NTN4: variants seen among roughly 807,000 people sequenced by gnomAD.
NTN4 encodes the protein netrin 4, also known as netrin-4.
Under a neutral mutation model 73.6 loss-of-function variants are expected in NTN4, and 32 were observed. The observed-to-expected ratio is 0.44, with a 90% confidence interval of 0.33 to 0.58. The LOEUF (loss-of-function observed/expected upper bound fraction) is 0.58, where lower values mean the gene tolerates loss of function less well. NTN4 is among the 20% of genes least tolerant of loss of function. The pLI, the probability that NTN4 is intolerant of heterozygous loss-of-function variation, is 0.04. For missense variants in NTN4, 654 were observed against 798.3 expected, an observed-to-expected ratio of 0.82 and a Z score of 2.18; for synonymous variants, 258 against 287.5, an observed-to-expected ratio of 0.90 and a Z score of 1.04.
chr12:95,712,538 T>G (rs975489004), intron 4 of NTN4, among the ~76,000 whole-genome samples: 5 of 152,202 alleles, frequency 3.3e-5, no homozygotes, highest in Non-Finnish European at 7.4e-5. Context: ...TATTTTCATG[T>G]TTATAATTCA....
At chr12:95,750,784 G>A (rs1291716932) in intron 2 of NTN4, among the ~76,000 whole-genome samples, 2 of 152,038 alleles carry the variant, frequency 1.3e-5, no homozygotes, top group African/African-American at 2.4e-5. Context: ...TCGCCAGGCC[G>A]AGCTAGGTCC....
chr12:95,665,979 C>T lies in NTN4; in HGVS notation c.1581G>A (p.Val527=). ...KAFCGMKYSY[V]LKIKILSAHD... ...GAGCTGATAAAATCTTTATTTTTAG[C>T]ACTGTTAACACAGAAGTCAAAATGC... Residue 527 remains valine (V), a splice_region_variant and synonymous_variant, in exon 9 of 10, where the codon GTG becomes GTA. Transcript: ENST00000343702. The T allele has an allele frequency of 6.3e-7, 1 of 1,597,786 alleles. No homozygotes were observed. The highest frequency in any genetic ancestry group is 8.5e-7 in the Non-Finnish European group (1 of 1,171,470).
intron 3 of NTN4, among the ~76,000 whole-genome samples, chr12:95,720,357 C>T (rs190913451): frequency 1.3e-5 from 2 of 152,152 alleles, no homozygotes; most frequent in East Asian, 1.9e-4. Context: ...CCTGAAAAAA[C>T]CATGAATGGA....
chr12:95,662,965 A>C (rs965690819), intron 9 of NTN4, among the ~76,000 whole-genome samples: 2 of 152,036 alleles, frequency 1.3e-5, no homozygotes, highest in Non-Finnish European at 2.9e-5. Context: ...AACACAAACA[A>C]ACAAAAATTA....
chr12:95,665,752 C>A (rs2078174355), intron 9 of NTN4, 58 bp downstream of exon 9: 2 of 1,387,092 alleles, frequency 1.4e-6, no homozygotes, highest in Admixed American at 2.1e-5. Context: ...GGATGTAAGA[C>A]AAGCAGCAAA....
At chr12:95,753,311 A>G (rs937731038) in intron 2 of NTN4, among the ~76,000 whole-genome samples, 27 of 148,366 alleles carry the variant, frequency 1.8e-4, no homozygotes, top group African/African-American at 6.2e-4. Context: ...ACTACTCCTC[A>G]GGGATTATTC....
intron 3 of NTN4, among the ~76,000 whole-genome samples, chr12:95,722,221 C>T (rs758893345): frequency 2.6e-5 from 4 of 152,182 alleles, no homozygotes; most frequent in Non-Finnish European, 4.4e-5. Flanking sequence ...CCCAAACCCA[C>T]CCATCTGCAG....
intron 7 of NTN4, among the ~76,000 whole-genome samples, chr12:95,676,844 T>C (rs1487290269): frequency 6.6e-6 from 1 of 152,092 alleles, no homozygotes; most frequent in Non-Finnish European, 1.5e-5. Context: ...CAGATAAGCT[T>C]AGGGACAAAA....
chr12:95,741,298 A>G (rs2078821593), intron 2 of NTN4, among the ~76,000 whole-genome samples: 1 of 147,734 alleles, frequency 6.8e-6, no homozygotes, highest in African/African-American at 2.5e-5. Flanking sequence ...TTTATAAATG[A>G]ATTATATATG....
At chr12:95,728,402 A>T (rs911225511) in intron 3 of NTN4, among the ~76,000 whole-genome samples, 9 of 152,190 alleles carry the variant, frequency 5.9e-5, no homozygotes, top group African/African-American at 2.2e-4. Flanking sequence ...TTCACCATTA[A>T]GTATGATGTT....
chr12:95,678,428 G>A (rs1439429500), intron 7 of NTN4, among the ~76,000 whole-genome samples: 1 of 151,096 alleles, frequency 6.6e-6, no homozygotes, highest in East Asian at 1.9e-4. Context: ...ATTACAGGAG[G>A]AAAACCATCT....
rs7955510 is a variant in NTN4 at position 95,781,417 on chromosome 12, T to A, written c.585+5522A>T. On this transcript the variant is annotated intron_variant, in intron 2 of 9. Coordinates refer to ENST00000343702, the MANE Select transcript of NTN4 (RefSeq NM_021229.4). This position sits in a 1 kb window ranked among gnomAD's most constrained non-coding sequence, Gnocchi z 4.1. ...TCATAGTCCTTGTCACTGTCCATTC[T>A]ATCAAACACAAATCCTTCAATCTGT... is the stretch of plus-strand genomic sequence containing the variant. 0.19 allele frequency among the ~76,000 whole-genome samples: 29,171 copies of A among 152,180 alleles called. 3,072 individuals carry two copies. The highest frequency in any genetic ancestry group is 0.26 in the African/African-American group (10,728 of 41,516).
intron 2 of NTN4, among the ~76,000 whole-genome samples, chr12:95,783,538 T>A (rs2079147058): frequency 6.6e-6 from 1 of 151,966 alleles, no homozygotes; most frequent in African/African-American, 2.4e-5. Flanking sequence ...TTTAAGAGAG[T>A]GAGAGAGGAG....
intron 3 of NTN4, among the ~76,000 whole-genome samples, chr12:95,718,378 C>T (rs992263436): frequency 1.3e-5 from 2 of 152,162 alleles, no homozygotes; most frequent in South Asian, 2.1e-4. Flanking sequence ...TTGTGGGAAG[C>T]TGTTCATTGA....
intron 2 of NTN4, among the ~76,000 whole-genome samples, chr12:95,741,455 A>ATC (rs1456473618): frequency 8.0e-6 from 1 of 124,654 alleles, no homozygotes; most frequent in African/African-American, 3.2e-5. Context: ...ATATATATAT[A>ATC]TATATATATA....
intron 3 of NTN4, among the ~76,000 whole-genome samples, chr12:95,716,858 GAAGTGT>G (rs2078609383): frequency 6.6e-6 from 1 of 152,040 alleles, no homozygotes; most frequent in East Asian, 1.9e-4. Context: ...TGCTCAGGCT[GAAGTGT>G]AATGGTGTGA....
At chr12:95,662,061 G>A (rs1022623531) in intron 9 of NTN4, among the ~76,000 whole-genome samples, 2 of 151,992 alleles carry the variant, frequency 1.3e-5, no homozygotes, top group African/African-American at 2.4e-5. Context: ...CTATGATATC[G>A]TTTTGGTTAA....
At chr12:95,697,164 G>C (rs1489987108) in intron 5 of NTN4, among the ~76,000 whole-genome samples, 1 of 148,302 alleles carries the variant, frequency 6.7e-6, no homozygotes, top group Non-Finnish European at 1.5e-5. Flanking sequence ...GGGTGACAGA[G>C]CAAAAACCCT....
At chr12:95,685,854 G>A (rs2078356771) in intron 5 of NTN4, among the ~76,000 whole-genome samples, 1 of 151,992 alleles carries the variant, frequency 6.6e-6, no homozygotes, top group Non-Finnish European at 1.5e-5. Flanking sequence ...ATGATTAATA[G>A]TAAATTAAAT....
Sources: gnomAD v4.1 joint callset for allele counts (sites outside exome capture counted in the v4.1 genomes callset) on GRCh38, gnomAD v4.1.1 for gene constraint, Gnocchi (gnomAD v3.1) non-coding constraint, MANE v1.5 for transcripts, NCBI Gene and HGNC (gene_info 2026-07-23, HGNC 2026-07-21) for gene names.